FOCAD: variants seen among roughly 807,000 people sequenced by gnomAD.
FOCAD encodes the protein focadhesin, also known as KIAA1797.
A neutral mutation model predicts 225.6 loss-of-function variants in FOCAD; 198 were observed. The ratio of observed to expected loss-of-function variants is 0.88; its 90% CI spans 0.78 to 0.99. The LOEUF is 0.99. Ranked by LOEUF, FOCAD falls within the 50% of genes least tolerant of loss-of-function variation. The pLI is 0.00. For missense variants in FOCAD, 2,713 were observed against 2,123.6 expected (o/e 1.28, Z -5.46); for synonymous variants, 897 against 755.0 (o/e 1.19, Z -3.08).
chr9:20,756,143 G>T (rs903636138), intron 5 of FOCAD, among the ~76,000 whole-genome samples: 1 of 152,192 alleles, frequency 6.6e-6, no homozygotes, highest in Non-Finnish European at 1.5e-5. Context: ...AAACATGAAT[G>T]ATTTTGATAC....
chr9:20,876,796 A>G (rs778670959), intron 19 of FOCAD, among the ~76,000 whole-genome samples: 34 of 152,200 alleles, frequency 2.2e-4, no homozygotes, highest in Admixed American at 7.2e-4. Flanking sequence ...GATGAATGAT[A>G]TATATTAGTC....
chr9:20,939,512 C>T (rs1254736511), intron 28 of FOCAD, among the ~76,000 whole-genome samples: 2 of 152,058 alleles, frequency 1.3e-5, no homozygotes, highest in African/African-American at 2.4e-5. Context: ...TTGTCTCCAT[C>T]AGTTTTCAGG....
chr9:20,826,634 A>G (rs996547048), intron 15 of FOCAD, among the ~76,000 whole-genome samples: 1 of 152,052 alleles, frequency 6.6e-6, no homozygotes, highest in Non-Finnish European at 1.5e-5. Flanking sequence ...ACCCTAATTA[A>G]TATAAGTACC....
chr9:20,748,138 T>C (rs933696669), intron 5 of FOCAD, among the ~76,000 whole-genome samples: 1 of 152,094 alleles, frequency 6.6e-6, no homozygotes, highest in African/African-American at 2.4e-5. Flanking sequence ...TAGCATAATG[T>C]AAGTATGACA....
rs1287366562 is a variant in FOCAD at position 20,981,539 on chromosome 9, T to C, written c.4491T>C (p.Ala1497=). 6.2e-7 allele frequency: 1 copy of C among 1,614,112 alleles called. No homozygotes were observed. Among genetic ancestry groups the C allele is most frequent in the South Asian group, 1.1e-5 (1 of 91,078 alleles). The change falls in exon 38 of 44, where the codon GCT becomes GCC. Residue 1497 remains alanine, a synonymous_variant. Transcript: ENST00000338382. ...ENLMVAVFKA[A]SPLGSPELCP... The stretch of plus-strand genomic sequence containing the variant: ...TAATGGTGGCAGTTTTTAAAGCAGC[T>C]TCCCCACTTGGAAGTCCTGAGCTAT...
intron 9 of FOCAD, among the ~76,000 whole-genome samples, chr9:20,780,743 T>C (rs1819280397): frequency 1.3e-5 from 2 of 152,236 alleles, no homozygotes; most frequent in Admixed American, 1.3e-4. Flanking sequence ...ATTTAGGCTA[T>C]TAAAATACTG....
At chr9:20,799,838 C>T (rs957638747) in intron 11 of FOCAD, among the ~76,000 whole-genome samples, 3 of 152,028 alleles carry the variant, frequency 2.0e-5, no homozygotes, top group Admixed American at 6.6e-5. Context: ...GAGCATTTAG[C>T]CCATTTACAT....
intron 11 of FOCAD, among the ~76,000 whole-genome samples, chr9:20,798,949 A>G (rs1289365901): frequency 6.6e-6 from 1 of 152,072 alleles, no homozygotes; most frequent in Admixed American, 6.5e-5. Flanking sequence ...TAGGGTGTCA[A>G]TTTTAGATCT....
chr9:20,781,093 T>G (rs1223361172), intron 9 of FOCAD, among the ~76,000 whole-genome samples: 1 of 152,232 alleles, frequency 6.6e-6, no homozygotes, highest in Admixed American at 6.5e-5. Context: ...AAAAAGTATA[T>G]TTATGCCTTA....
At chr9:20,835,737 G>A (rs1825932801) in intron 15 of FOCAD, among the ~76,000 whole-genome samples, 1 of 152,086 alleles carries the variant, frequency 6.6e-6, no homozygotes, top group Non-Finnish European at 1.5e-5. Context: ...AGATGGGAAT[G>A]TGAGGCAGTG....
intron 2 of FOCAD, among the ~76,000 whole-genome samples, chr9:20,669,257 G>T (rs1287066135): frequency 2.0e-5 from 3 of 152,092 alleles, no homozygotes; most frequent in Non-Finnish European, 4.4e-5. Context: ...GATTTATTTT[G>T]TCACTAATTC....
At chr9:20,730,697 C>T (rs911980692) in intron 4 of FOCAD, among the ~76,000 whole-genome samples, 5 of 152,056 alleles carry the variant, frequency 3.3e-5, no homozygotes, top group African/African-American at 1.2e-4. Context: ...CTTCTTGCCC[C>T]GGTCTTAATA....
At chr9:20,851,205 GT>G (rs1413657813) in intron 15 of FOCAD, among the ~76,000 whole-genome samples, 1 of 142,232 alleles carries the variant, frequency 7.0e-6, no homozygotes, top group Non-Finnish European at 1.5e-5. Context: ...CCATGAAAGA[GT>G]TTTGGTTTTT....
intron 21 of FOCAD, among the ~76,000 whole-genome samples, chr9:20,887,241 CT>C (rs930878535): frequency 2.2e-4 from 32 of 147,384 alleles, no homozygotes; most frequent in Admixed American, 2.0e-4. Flanking sequence ...TTTTCTTTCT[CT>C]TTTTTTTTTT....
At chr9:20,804,396 T>G (rs1385272558) in intron 11 of FOCAD, among the ~76,000 whole-genome samples, 1 of 152,220 alleles carries the variant, frequency 6.6e-6, no homozygotes, top group Non-Finnish European at 1.5e-5. Context: ...GAGTTCCTAG[T>G]TACTTTTTGA....
intron 5 of FOCAD, among the ~76,000 whole-genome samples, chr9:20,757,542 G>A (rs1222189905): frequency 6.6e-6 from 1 of 152,170 alleles, no homozygotes; most frequent in Non-Finnish European, 1.5e-5. Flanking sequence ...TTGGATAGTT[G>A]TTAAGATGGA....
rs370035774 is a variant in FOCAD at position 20,926,327 on chromosome 9, A to G, written c.2988A>G (p.Lys996=). 151 of 1,612,524 alleles carry G rather than the reference A, an allele frequency of 9.4e-5. 1 individual carries two copies. The highest frequency in any genetic ancestry group is 8.3e-4 in the Middle Eastern group (5 of 6,052). ...TTCAACCTAATTTCCTTTCAATGAA[A>G]GAGTGGGTTTCCATGGTACTTGATA... ...LEVQPNFLSM[K]EWVSMVLDTL... The change falls in exon 26 of 44, where the codon AAA becomes AAG. Residue 996 remains lysine, a synonymous_variant. Coordinates refer to ENST00000338382, the MANE Select transcript of FOCAD (RefSeq NM_001375567.1).
chr9:20,971,059 T>C (rs1839716644), intron 35 of FOCAD, among the ~76,000 whole-genome samples: 2 of 152,142 alleles, frequency 1.3e-5, no homozygotes, highest in South Asian at 4.2e-4. Flanking sequence ...CTTCTCAAAA[T>C]TGTAAAGTTT....
intron 27 of FOCAD, among the ~76,000 whole-genome samples, 187 bp from the exon 28 acceptor site, chr9:20,932,824 GAAT>G (rs972690383): frequency 2.0e-5 from 3 of 151,884 alleles, no homozygotes; most frequent in Admixed American, 1.3e-4. Flanking sequence ...TCCAATTATT[GAAT>G]AATTGGTCAG....
Sources: gnomAD v4.1 joint callset for allele counts (sites outside exome capture counted in the v4.1 genomes callset) on GRCh38, gnomAD v4.1.1 for gene constraint, MANE v1.5 for transcripts, NCBI Gene and HGNC (gene_info 2026-07-23, HGNC 2026-07-21) for gene names.